Variants in UPK1B observed in about 807,000 individuals in gnomAD.
UPK1B encodes the protein uroplakin-1b.
Under a neutral mutation model 34.2 loss-of-function variants are expected in UPK1B, and 28 were observed. That is an observed-to-expected ratio of 0.82 (90% CI 0.61 to 1.12). The LOEUF (loss-of-function observed/expected upper bound fraction) is 1.12, where lower values mean the gene tolerates loss of function less well. Among genes scored for constraint, UPK1B ranks in the 50% most tolerant of loss-of-function variants. The pLI is 0.00. For missense variants in UPK1B, 325 were observed against 320.9 expected (o/e 1.01, Z -0.10); for synonymous variants, 81 against 110.4 (o/e 0.73, Z 1.67).
intron 5 of UPK1B, among the ~76,000 whole-genome samples, chr3:119,193,261 C>T (rs2078051863): frequency 6.6e-6 from 1 of 152,216 alleles, no homozygotes; most frequent in Non-Finnish European, 1.5e-5. Context: ...TTAGACTTAA[C>T]CATTTTTCCC....
In UPK1B at chr3:119,199,005, TCTC is replaced by T. The variant is rs1213868539; in HGVS notation, c.649-51_649-49del. 14 of 1,601,558 alleles carry T rather than the reference TCTC, an allele frequency of 8.7e-6. No homozygotes were observed. In the African/African-American group the frequency reaches 1.6e-4, roughly 18 times the overall value. On this transcript the variant is annotated intron_variant, in intron 6 of 7. Transcript: ENST00000264234. ...GGAACCTGCTTTCCCATCAATCTCT[TCTC>T]TGCTTTCTGGTTCTTCTCACACTAA...
rs201813038 is a variant in UPK1B, at chr3:119,199,148, T to C, written c.732+8T>C. ...GCCATTCTCTGCTGGACTGTGAGTA[T>C]TTCCCAGCACATATTTTATCTGAGA... On this transcript the variant is annotated splice_region_variant and intron_variant, in intron 7 of 7. Transcript: ENST00000264234. 6 of 1,613,940 alleles carry C rather than the reference T, an allele frequency of 3.7e-6. No individual in the cohort carries two copies. The Admixed American group carries it at 6.7e-5, about 18-fold the overall frequency.
Position 119,188,805 on chromosome 3 carries a change from T to C in UPK1B, c.270+830T>C, listed in dbSNP as rs545750792. Among the ~76,000 whole-genome samples the C allele has an allele frequency of 2.4e-3, 361 of 152,332 alleles. 2 individuals carry two copies. The highest frequency in any genetic ancestry group is 7.9e-3 in the African/African-American group (329 of 41,578). ...CCCCACCCCTGAAATAACCCTTTTA[T>C]TCAAATGCTGCAGGACCTCAGTTCC... On this transcript the variant is annotated intron_variant, in intron 3 of 7. Transcript: ENST00000264234.
At position 119,190,308 on chromosome 3, in the gene UPK1B, C is replaced by T. The variant is rs1468835710; in HGVS notation, c.334C>T (p.Gln112Ter). The change falls in exon 4 of 8, where the codon CAA (glutamine) becomes TAA (stop). Residue 112 changes from glutamine (Q) to a stop codon, truncating the protein, a stop_gained. Coordinates refer to ENST00000264234, the MANE Select transcript of UPK1B (RefSeq NM_006952.4). LOFTEE classifies it high-confidence loss of function. ...GGCATCTTGTATCACAGCAGCAACACAACAAGACTTTGTGAGTACAACCTC... is the reference window on the plus strand; with the variant it reads ...GGCATCTTGTATCACAGCAGCAACATAACAAGACTTTGTGAGTACAACCTC... The part of the protein sequence containing the change: ...EVASCITAAT[Q>*]QDFFTPNLFL... 6.2e-7 allele frequency: 1 copy of T among 1,611,916 alleles called. No individual in the cohort carries two copies.
intron 1 of UPK1B, among the ~76,000 whole-genome samples, chr3:119,177,162 AG>A (rs1401426169): frequency 2.6e-5 from 4 of 152,340 alleles, no homozygotes; most frequent in South Asian, 2.1e-4. Flanking sequence ...TTCAGAAGTT[AG>A]GGTAAACGGT....
At chr3:119,180,351 T>G (rs1258690162) in intron 1 of UPK1B, among the ~76,000 whole-genome samples, 1 of 152,206 alleles carries the variant, frequency 6.6e-6, no homozygotes, top group Non-Finnish European at 1.5e-5. Context: ...CACAGCAATA[T>G]CTAGACTGAT....
chr3:119,176,586 C>A (rs1479065589), intron 1 of UPK1B, among the ~76,000 whole-genome samples: 1 of 152,152 alleles, frequency 6.6e-6, no homozygotes, highest in Non-Finnish European at 1.5e-5. Flanking sequence ...TCCCACAGGG[C>A]GGGGTGCACA....
chr3:119,179,392 T>TATAC (rs2077976736), intron 1 of UPK1B, among the ~76,000 whole-genome samples: 1 of 93,198 alleles, frequency 1.1e-5, no homozygotes, highest in Non-Finnish European at 2.0e-5. Context: ...TATATATATA[T>TATAC]ATATATTAAT....
chr3:119,178,006 T>C (rs73854421), intron 1 of UPK1B, among the ~76,000 whole-genome samples: 6,239 of 147,224 alleles, frequency 0.042, 179 homozygotes, highest in South Asian at 0.087. Flanking sequence ...AAGAGTTCGA[T>C]AGGCAGAAAT....
chr3:119,189,051 G>T (rs1368104026), intron 3 of UPK1B, among the ~76,000 whole-genome samples: 1 of 152,142 alleles, frequency 6.6e-6, no homozygotes, highest in Non-Finnish European at 1.5e-5. Context: ...AAATTCACTT[G>T]CATCCCAGCC....
intron 7 of UPK1B, among the ~76,000 whole-genome samples, chr3:119,201,554 G>A (rs1676695308): frequency 6.6e-6 from 1 of 152,150 alleles, no homozygotes; most frequent in Non-Finnish European, 1.5e-5. Context: ...ATTTCCCATC[G>A]AGTCCCTCCC....
intron 6 of UPK1B, among the ~76,000 whole-genome samples, chr3:119,196,093 A>G (rs2078066321): frequency 6.6e-6 from 1 of 151,918 alleles, no homozygotes; most frequent in Non-Finnish European, 1.5e-5. Context: ...TCCTCCACCA[A>G]ATTCCTGAAT....
At chr3:119,179,112 G>A (rs1243679762) in intron 1 of UPK1B, among the ~76,000 whole-genome samples, 1 of 151,864 alleles carries the variant, frequency 6.6e-6, no homozygotes, top group Non-Finnish European at 1.5e-5. Context: ...GCCAAGTCTT[G>A]AGGACAGGAG....
intron 1 of UPK1B, among the ~76,000 whole-genome samples, chr3:119,180,973 G>T (rs1187844920): frequency 6.6e-6 from 1 of 152,162 alleles, no homozygotes; most frequent in African/African-American, 2.4e-5. Flanking sequence ...GGGGCAGGGG[G>T]AAGTCTTTGA....
rs754464647 is a variant in UPK1B at position 119,187,883 on chromosome 3, T to C, written c.178T>C (p.Trp60Arg). The C allele has an allele frequency of 3.7e-6, 6 of 1,614,152 alleles. No homozygotes were observed. The highest frequency in any genetic ancestry group is 5.1e-6 in the Non-Finnish European group (6 of 1,180,034). Residue 60 changes from tryptophan to arginine, a missense_variant, in exon 3 of 8, where the codon TGG becomes CGG. Transcript: ENST00000264234. ...CAACGATGACATCTATGGGGCTGCC[T>C]GGATCGGCATATTTGTGGGCATCTG... ...TDNDDIYGAA[W>R]IGIFVGICLF...
intron 6 of UPK1B, among the ~76,000 whole-genome samples, chr3:119,198,220 G>C (rs976763538): frequency 6.6e-6 from 1 of 152,114 alleles, no homozygotes; most frequent in Admixed American, 6.6e-5. Context: ...AAGCTCATTC[G>C]CTTTATAGAG....
At chr3:119,190,362 A>C in intron 4 of UPK1B, 43 bp downstream of exon 4, 1 of 1,485,888 alleles carries the variant, frequency 6.7e-7, no homozygotes, top group East Asian at 2.3e-5. Flanking sequence ...AATTATCATT[A>C]TTATAACAAC....
intron 1 of UPK1B, among the ~76,000 whole-genome samples, chr3:119,181,262 C>T (rs1178914355): frequency 6.6e-6 from 1 of 152,014 alleles, no homozygotes; most frequent in Non-Finnish European, 1.5e-5. Context: ...ATTAGAGTTC[C>T]CTACTGAAAT....
At chr3:119,187,997 G>A (rs751554787) in intron 3 of UPK1B, 22 bp downstream of exon 3, 1 of 1,613,314 alleles carries the variant, frequency 6.2e-7, no homozygotes, top group Non-Finnish European at 8.5e-7. Context: ...AAATTCTCTG[G>A]AGTTGTCTCC....
Sources: gnomAD v4.1 joint callset for allele counts (sites outside exome capture counted in the v4.1 genomes callset) on GRCh38, gnomAD v4.1.1 for gene constraint, MANE v1.5 for transcripts, NCBI Gene and HGNC (gene_info 2026-07-23, HGNC 2026-07-21) for gene names.